Variants in JADE2 observed in about 807,000 individuals in gnomAD.
JADE2 encodes the protein jade family PHD finger 2, also known as E3 ubiquitin-protein ligase Jade-2.
In JADE2, 13 loss-of-function variants were observed where a neutral mutation model predicts 85.7. That is an observed-to-expected ratio of 0.15 (90% CI 0.10 to 0.24). JADE2 has a LOEUF of 0.24. JADE2 is among the 10% of genes least tolerant of loss of function. JADE2 has a pLI of 1.00. For missense variants in JADE2, 846 were observed against 1,115.9 expected, an observed-to-expected ratio of 0.76 and a Z score of 3.45; for synonymous variants, 440 against 456.1, an observed-to-expected ratio of 0.96 and a Z score of 0.45.
rs546700805 is a variant in JADE2, at chr5:134,552,201, C to T, written c.303C>T (p.Pro101=). 12 of 1,613,500 alleles carry T rather than the reference C, an allele frequency of 7.4e-6. No homozygotes were observed. The highest frequency in any genetic ancestry group is 1.7e-5 in the Admixed American group (1 of 59,922). Residue 101 remains proline (P), a synonymous_variant, in exon 4 of 12, where the codon CCC becomes CCT. Coordinates refer to ENST00000681547, the MANE Select transcript of JADE2 (RefSeq NM_001388185.1). ...VPAGAEAIPE[P]VVRILPPLEG... is the part of the protein sequence containing the mutation. ...CCGGGGCAGAGGCCATCCCAGAGCC[C>T]GTGGTGAGGTGAGCCAGGCAGCCCA...
chr5:134,546,856 A>G (rs1762324978), intron 3 of JADE2, among the ~76,000 whole-genome samples: 2 of 152,130 alleles, frequency 1.3e-5, no homozygotes. Context: ...AAGTAACTAA[A>G]TTTCCTCTTG....
chr5:134,541,088 T>C (rs1009247096), intron 3 of JADE2, among the ~76,000 whole-genome samples: 2 of 152,156 alleles, frequency 1.3e-5, no homozygotes, highest in African/African-American at 2.4e-5. Flanking sequence ...CCCAGGAGCC[T>C]CCGCAGGCTC....
chr5:134,548,237 G>T (rs1762405297), intron 3 of JADE2, among the ~76,000 whole-genome samples: 1 of 151,540 alleles, frequency 6.6e-6, no homozygotes. Context: ...GAAGTCACCT[G>T]ATTTGGCATC....
intron 4 of JADE2, among the ~76,000 whole-genome samples, chr5:134,554,283 T>A (rs1762780632): frequency 1.3e-5 from 2 of 151,964 alleles, no homozygotes; most frequent in Non-Finnish European, 2.9e-5. Flanking sequence ...TTGTCTGGGG[T>A]CTTCGGAGAA....
At chr5:134,544,181 G>C (rs1311410018) in intron 3 of JADE2, among the ~76,000 whole-genome samples, 1 of 152,254 alleles carries the variant, frequency 6.6e-6, no homozygotes, top group Non-Finnish European at 1.5e-5. Context: ...AGTGGGCAGA[G>C]GCCTGGGTCT....
Position 134,562,477 on chromosome 5 carries a change from A to T in JADE2, c.852+110A>T. The T allele has an allele frequency of 8.6e-7, 1 of 1,158,052 alleles. No homozygotes were observed. Among genetic ancestry groups the T allele is most frequent in the African/African-American group, 1.5e-5 (1 of 64,886 alleles). The allele number at this position is 1,158,052 out of a possible 1,614,324, so 71.7% of individuals were successfully genotyped here. A position where few individuals can be genotyped will look rare whatever the true frequency, so the allele number is the denominator to read the frequency against. On this transcript the variant is annotated intron_variant, in intron 7 of 11. Coordinates refer to ENST00000681547, the MANE Select transcript of JADE2 (RefSeq NM_001388185.1). This position sits in a 1 kb window ranked among gnomAD's most constrained non-coding sequence, Gnocchi z 4.6. ...GAAAAGAAGGTGATGGACTCGCACT[A>T]AAACACTGAGATCGGCCGGGCGCGG...
At position 134,580,994 on chromosome 5, in the gene JADE2, CCAAA is replaced by C. The variant is rs1462221356; in HGVS notation, c.*1678_*1681del. 1 of 152,564 alleles carries C rather than the reference CCAAA, an allele frequency of 6.6e-6. No homozygotes were observed. The highest frequency in any genetic ancestry group is 1.5e-5 in the Non-Finnish European group (1 of 68,042). The allele number at this position is 152,564 out of a possible 1,614,324, so 9.5% of individuals were successfully genotyped here. ...TCTTTACCATGTGGTTCCCTCCTCC[CCAAA>C]TACATAAAGCAAATAAGCAGGATGG... On this transcript the variant is annotated 3_prime_UTR_variant, in exon 12 of 12. Transcript: ENST00000681547.
At chr5:134,532,121 G>T (rs567607247) in intron 1 of JADE2, among the ~76,000 whole-genome samples, 1 of 152,138 alleles carries the variant, frequency 6.6e-6, no homozygotes, top group South Asian at 2.1e-4. Flanking sequence ...CTAAGCTCAA[G>T]TGAGCCACCT....
At chr5:134,545,241 G>T (rs935097773) in intron 3 of JADE2, among the ~76,000 whole-genome samples, 1 of 152,120 alleles carries the variant, frequency 6.6e-6, no homozygotes, top group African/African-American at 2.4e-5. Context: ...TCTCTGGGGT[G>T]GGGGGCAGGA....
At position 134,578,229 on chromosome 5, in the gene JADE2, A is replaced by G. The variant is rs959271875; in HGVS notation, c.1682-265A>G. On this transcript the variant is annotated intron_variant, in intron 11 of 11. Transcript: ENST00000681547. This position sits in a 1 kb window ranked among gnomAD's most constrained non-coding sequence, Gnocchi z 4.4. ...TTAATAATATTTGAACAAGGAGCCT[A>G]TATTTTCATTTTACACTCTAGCCCA... is the stretch of plus-strand genomic sequence containing the variant. Among the ~76,000 whole-genome samples the G allele has an allele frequency of 6.6e-6, 1 of 152,216 alleles. No homozygotes were observed. Among genetic ancestry groups the G allele is most frequent in the African/African-American group, 2.4e-5 (1 of 41,450 alleles).
chr5:134,525,701 C>T lies in JADE2; in HGVS notation c.-311C>T, dbSNP rs1280691298. 6.4e-6 allele frequency: 8 copies of T among 1,245,818 alleles called. No individual in the cohort carries two copies. In the South Asian group the frequency reaches 1.0e-4, roughly 16 times the overall value. 77.2% of individuals were successfully genotyped at this position (1,245,818 alleles called of 1,614,324 possible). A position where few individuals can be genotyped will look rare whatever the true frequency, so the allele number is the denominator to read the frequency against. On this transcript the variant is annotated 5_prime_UTR_variant, in exon 1 of 12. Transcript: ENST00000681547. ...ATACACAGGGGGTTGGTGAATGGTG[C>T]CGACCGCGGCCATCGCAGTTGGAGG...
intron 3 of JADE2, among the ~76,000 whole-genome samples, chr5:134,539,043 T>TTTTATTTATTTATTTATTTATTTATTTA (rs58839611): frequency 6.0e-5 from 8 of 134,378 alleles, no homozygotes; most frequent in African/African-American, 1.7e-4. Context: ...TTTATTTTTA[T>TTTTATTTATTTATTTATTTATTTATTTA]TTTATTTATT....
chr5:134,555,951 T>C (rs1762887719), intron 4 of JADE2, among the ~76,000 whole-genome samples: 1 of 152,040 alleles, frequency 6.6e-6, no homozygotes, highest in Non-Finnish European at 1.5e-5. Context: ...CCCTCGACCT[T>C]ATATAGGCCT....
At chr5:134,535,970 C>T in intron 2 of JADE2, 55 bp downstream of exon 2, 1 of 1,454,804 alleles carries the variant, frequency 6.9e-7, no homozygotes, top group South Asian at 1.1e-5. Context: ...AGTGATCAGG[C>T]CCACAGGCCC....
chr5:134,524,943 C>T (rs998013177), upstream of JADE2, among the ~76,000 whole-genome samples: 1 of 152,170 alleles, frequency 6.6e-6, no homozygotes, highest in African/African-American at 2.4e-5. Flanking sequence ...TTATTCGATT[C>T]GCATTTTAAA....
chr5:134,551,942 G>T (rs1043662437), intron 3 of JADE2, 110 bp from the exon 4 acceptor site: 3 of 946,438 alleles, frequency 3.2e-6, no homozygotes, highest in East Asian at 2.4e-5. Context: ...TTCTAAGTGC[G>T]CAGGCAGAAT....
At chr5:134,543,518 A>T (rs945351064) in intron 3 of JADE2, among the ~76,000 whole-genome samples, 1 of 151,850 alleles carries the variant, frequency 6.6e-6, no homozygotes, top group Admixed American at 6.6e-5. Context: ...ACTAAAAAAA[A>T]TTTTAAAAAT....
At chr5:134,563,144 C>T (rs895442276) in intron 7 of JADE2, among the ~76,000 whole-genome samples, 1 of 151,880 alleles carries the variant, frequency 6.6e-6, no homozygotes, top group African/African-American at 2.4e-5. Context: ...ATGGTAACCC[C>T]GTCTCTACTA....
Position 134,566,550 on chromosome 5 carries a change from C to A in JADE2, c.1404C>A (p.Leu468=). ...EQDVLYRRLK[L]FTHLRQDLER... ...ACGTCCTCTACCGCCGCCTGAAGCT[C>A]TTCACCCATCTGCGGCAGGACCTAG... The change falls in exon 9 of 12, where the codon CTC becomes CTA. Residue 468 remains leucine (L), a synonymous_variant. Transcript: ENST00000681547. The surrounding 1 kb of genome is among the most constrained non-coding windows in gnomAD (Gnocchi z 6.7). 1 of 1,573,844 alleles carries A rather than the reference C, an allele frequency of 6.4e-7. No homozygotes were observed. The highest frequency in any genetic ancestry group is 8.6e-7 in the Non-Finnish European group (1 of 1,159,246).
Sources: allele counts gnomAD v4.1 joint callset (sites outside exome capture counted in the v4.1 genomes callset), GRCh38; gene constraint gnomAD v4.1.1; non-coding constraint Gnocchi (gnomAD v3.1); transcripts MANE v1.5; gene names NCBI Gene and HGNC (gene_info 2026-07-23, HGNC 2026-07-21).